ANO3: variants seen among roughly 807,000 people sequenced by gnomAD.
ANO3 encodes the protein anoctamin 3.
In ANO3, 99 loss-of-function variants were observed where a neutral mutation model predicts 144.8. That is an observed-to-expected ratio of 0.68 (90% CI 0.58 to 0.81). The LOEUF (loss-of-function observed/expected upper bound fraction) is 0.81, where lower values mean the gene tolerates loss of function less well. Ranked by LOEUF, ANO3 falls within the 30% of genes least tolerant of loss-of-function variation. The pLI is 0.00. For missense variants in ANO3, 905 were observed against 1,202.2 expected, an observed-to-expected ratio of 0.75 and a Z score of 3.66; for synonymous variants, 414 against 392.6, an observed-to-expected ratio of 1.05 and a Z score of -0.64.
chr11:26,306,157 G>A (rs1194311956), upstream of ANO3, among the ~76,000 whole-genome samples: 1 of 137,540 alleles, frequency 7.3e-6, no homozygotes, highest in Admixed American at 7.8e-5. Flanking sequence ...TGTATTTTTG[G>A]TAGAGACGGG....
At chr11:26,576,537 T>C (rs978303506) in intron 14 of ANO3, among the ~76,000 whole-genome samples, 1 of 152,214 alleles carries the variant, frequency 6.6e-6, no homozygotes, top group Non-Finnish European at 1.5e-5. Context: ...TCATGAAAAA[T>C]GAATGAGTAA....
chr11:26,464,377 A>C (rs1404897144), intron 4 of ANO3, among the ~76,000 whole-genome samples: 2 of 151,882 alleles, frequency 1.3e-5, no homozygotes, highest in Non-Finnish European at 2.9e-5. Flanking sequence ...GCACTGTTCC[A>C]AATGAACTGA....
At chr11:26,627,453 T>A (rs976650752) in intron 18 of ANO3, among the ~76,000 whole-genome samples, 1 of 152,038 alleles carries the variant, frequency 6.6e-6, no homozygotes, top group Non-Finnish European at 1.5e-5. Flanking sequence ...ACATGACAAG[T>A]GTACAATAAA....
chr11:26,234,014 T>C (rs999777931), intron 1 of ANO3, among the ~76,000 whole-genome samples: 1 of 152,032 alleles, frequency 6.6e-6, no homozygotes, highest in African/African-American at 2.4e-5. Context: ...AAAACCTAGA[T>C]GACAGGTTGA....
At chr11:26,378,427 C>T (rs1258394135) in intron 1 of ANO3, among the ~76,000 whole-genome samples, 2 of 100,178 alleles carry the variant, frequency 2.0e-5, no homozygotes, top group Non-Finnish European at 4.8e-5. Context: ...ATTTATCTAT[C>T]TATCTATCAT....
In ANO3 at chr11:26,542,048, T is replaced by C; in HGVS notation, c.1134T>C (p.His378=). The C allele has an allele frequency of 6.2e-7, 1 of 1,611,726 alleles. No homozygotes were observed. The highest frequency in any genetic ancestry group is 1.1e-5 in the South Asian group (1 of 90,768). Residue 378 remains histidine (H), a synonymous_variant, in exon 11 of 27, where the codon CAT becomes CAC. Transcript: ENST00000256737. ...CACGCTGGGGAATGTGGTATAAGCA[T>C]CAGCCTCTGGATTTAATCAGGTACT... ...RWARWGMWYK[H]QPLDLIRLYF...
chr11:26,259,387 C>T (rs557208397), intron 1 of ANO3, among the ~76,000 whole-genome samples: 6 of 152,050 alleles, frequency 3.9e-5, no homozygotes, highest in African/African-American at 2.4e-5. Flanking sequence ...TGGTGGCTCA[C>T]GCCTATAATT....
intron 14 of ANO3, among the ~76,000 whole-genome samples, chr11:26,583,647 A>C (rs560459921): frequency 6.6e-6 from 1 of 152,232 alleles, no homozygotes; most frequent in Non-Finnish European, 1.5e-5. Context: ...GAGATGTACA[A>C]TGTCCCATAT....
chr11:26,349,772 T>G (rs950607668), intron 1 of ANO3, among the ~76,000 whole-genome samples: 2 of 151,970 alleles, frequency 1.3e-5, no homozygotes, highest in Non-Finnish European at 2.9e-5. Context: ...ATGGTCTCGA[T>G]CTCCTGACCT....
chr11:26,382,477 T>C (rs1856615946), intron 1 of ANO3, among the ~76,000 whole-genome samples: 1 of 152,106 alleles, frequency 6.6e-6, no homozygotes, highest in Non-Finnish European at 1.5e-5. Context: ...TGATAATATC[T>C]CAGATAAAAA....
upstream of ANO3, among the ~76,000 whole-genome samples, chr11:26,307,631 A>T (rs531432686): frequency 2.6e-5 from 4 of 151,830 alleles, no homozygotes; most frequent in African/African-American, 9.6e-5. Context: ...AGGCAGGAGA[A>T]TCACTTGAAT....
intron 14 of ANO3, among the ~76,000 whole-genome samples, chr11:26,564,692 TACACACACACACAC>T (rs370277580): frequency 2.0e-3 from 81 of 41,114 alleles, no homozygotes; most frequent in South Asian, 4.6e-3. Flanking sequence ...CTCATATATA[TACACACACACACAC>T]ACACACACAC....
intron 1 of ANO3, among the ~76,000 whole-genome samples, chr11:26,212,122 G>A (rs974506696): frequency 6.6e-6 from 1 of 151,938 alleles, no homozygotes; most frequent in South Asian, 2.1e-4. Flanking sequence ...ACAGGTTGAT[G>A]GGTGCAGCAA....
intron 3 of ANO3, among the ~76,000 whole-genome samples, chr11:26,454,695 GA>G: frequency 6.6e-6 from 1 of 151,914 alleles, no homozygotes; most frequent in Non-Finnish European, 1.5e-5. Flanking sequence ...CCAATCGATA[GA>G]AAAAGAGGGA....
intron 1 of ANO3, among the ~76,000 whole-genome samples, chr11:26,248,168 C>T (rs1020932013): frequency 6.6e-5 from 10 of 151,746 alleles, no homozygotes; most frequent in African/African-American, 2.4e-4. Flanking sequence ...TGAAACCCCA[C>T]CTCTACTAAA....
At chr11:26,654,128 G>A (rs909090105) in intron 24 of ANO3, among the ~76,000 whole-genome samples, 3 of 151,960 alleles carry the variant, frequency 2.0e-5, no homozygotes, top group Non-Finnish European at 4.4e-5. Flanking sequence ...CTTCAACATC[G>A]ACGTTGCTAA....
chr11:26,636,037 A>T (rs1411660419), intron 20 of ANO3, among the ~76,000 whole-genome samples: 3 of 152,036 alleles, frequency 2.0e-5, no homozygotes, highest in Admixed American at 6.6e-5. Flanking sequence ...GTCTTTATTT[A>T]AAAAAAATAA....
intron 17 of ANO3, among the ~76,000 whole-genome samples, chr11:26,611,325 G>A (rs573311935): frequency 9.9e-5 from 15 of 152,084 alleles, no homozygotes; most frequent in Non-Finnish European, 1.9e-4. Flanking sequence ...AGTCTCATTT[G>A]TCTCAAGTAA....
chr11:26,272,500 C>T (rs1853463830), intron 1 of ANO3, among the ~76,000 whole-genome samples: 1 of 152,094 alleles, frequency 6.6e-6, no homozygotes, highest in Non-Finnish European at 1.5e-5. Flanking sequence ...TACCTATAGA[C>T]TCTAATATGA....
Sources: gnomAD v4.1 joint callset for allele counts (sites outside exome capture counted in the v4.1 genomes callset) on GRCh38, gnomAD v4.1.1 for gene constraint, MANE v1.5 for transcripts, NCBI Gene and HGNC (gene_info 2026-07-23, HGNC 2026-07-21) for gene names.